Variants in POC1B observed in about 807,000 individuals in gnomAD.
POC1B encodes POC1 centriolar protein B.
Under a neutral mutation model 60.6 loss-of-function variants are expected in POC1B, and 44 were observed. That is an observed-to-expected ratio of 0.73 (90% CI 0.57 to 0.93). POC1B has a LOEUF of 0.93. POC1B is among the 40% of genes least tolerant of loss of function. POC1B has a pLI of 0.00. For synonymous variants in POC1B, 180 were observed against 198.9 expected, an observed-to-expected ratio of 0.90 and a Z score of 0.80; for missense variants, 555 against 572.3, an observed-to-expected ratio of 0.97 and a Z score of 0.31.
At chr12:89,403,635 A>G in the POC1B span, among the ~76,000 whole-genome samples, 1 of 152,106 alleles carries the variant, frequency 6.6e-6, no homozygotes, top group Non-Finnish European at 1.5e-5. Flanking sequence ...GCAGATGTAA[A>G]TCATCAGCAG....
At chr12:89,472,435 C>T (rs1453775138) in intron 4 of POC1B, 160 bp from the exon 5 acceptor site, 5 of 554,720 alleles carry the variant, frequency 9.0e-6, no homozygotes, top group African/African-American at 1.9e-5. Context: ...AGATCTTCAT[C>T]ATGACAAACA....
In POC1B at chr12:89,456,177, C is replaced by T. The variant is rs949085703; in HGVS notation, c.1113+3461G>A. 3.9e-5 allele frequency among the ~76,000 whole-genome samples: 6 copies of T among 152,190 alleles called. No individual in the cohort carries two copies. The East Asian group carries it at 5.8e-4, about 15-fold the overall frequency. The stretch of plus-strand genomic sequence containing the variant: ...CTGGAATTATAAGCGCACACCACCA[C>T]GCCCGGCTAATTTTTGTAGTTTTAG... On this transcript the variant is annotated intron_variant, in intron 10 of 11. Transcript: ENST00000313546.
chr12:89,467,510 G>A (rs921777727), intron 8 of POC1B, 107 bp downstream of exon 8: 1 of 878,264 alleles, frequency 1.1e-6, no homozygotes, highest in Non-Finnish European at 1.7e-6. Flanking sequence ...TAAACTCATT[G>A]ACAAACATCT....
intron 4 of POC1B, among the ~76,000 whole-genome samples, chr12:89,476,560 T>A (rs187680448): frequency 6.6e-6 from 1 of 151,942 alleles, no homozygotes; most frequent in African/African-American, 2.4e-5. Context: ...ATGCAAAAAT[T>A]AGCTGGGCCT....
chr12:89,433,860 C>T, intron 10 of POC1B, among the ~76,000 whole-genome samples: 1 of 152,162 alleles, frequency 6.6e-6, no homozygotes, highest in East Asian at 1.9e-4. Flanking sequence ...CCAATGTTGA[C>T]TAAGGAGTGG....
intron 11 of POC1B, among the ~76,000 whole-genome samples, chr12:89,423,081 T>C (rs947634500): frequency 4.6e-5 from 7 of 152,160 alleles, no homozygotes; most frequent in Admixed American, 2.0e-4. Flanking sequence ...CTTAGCTCCC[T>C]GCAACCTCTG....
At chr12:89,524,210 G>A (rs762280708) in intron 2 of POC1B, 10 of 1,613,806 alleles carry the variant, frequency 6.2e-6, no homozygotes, top group South Asian at 2.2e-5. Flanking sequence ...TCTATGTGTC[G>A]ATGCAGGGAA....
At chr12:89,412,118 T>C in the POC1B span, among the ~76,000 whole-genome samples, 3 of 152,226 alleles carry the variant, frequency 2.0e-5, no homozygotes, top group Non-Finnish European at 4.4e-5. Context: ...TGATAGTGTT[T>C]CATCAGAATT....
chr12:89,517,975 G>A (rs1402934884), intron 2 of POC1B, among the ~76,000 whole-genome samples: 1 of 152,174 alleles, frequency 6.6e-6, no homozygotes, highest in East Asian at 1.9e-4. Flanking sequence ...GACACTGCTG[G>A]CCTGCAGTAG....
chr12:89,512,857 A>C (rs1204417591), intron 2 of POC1B, among the ~76,000 whole-genome samples: 1 of 152,264 alleles, frequency 6.6e-6, no homozygotes, highest in Non-Finnish European at 1.5e-5. Context: ...AAGGTAATAT[A>C]GATGAAAAGT....
chr12:89,450,499 C>T (rs1881997534), intron 10 of POC1B, among the ~76,000 whole-genome samples: 1 of 152,106 alleles, frequency 6.6e-6, no homozygotes, highest in Non-Finnish European at 1.5e-5. Context: ...AGCCACCGCG[C>T]CCTGCCCAAG....
downstream of POC1B, among the ~76,000 whole-genome samples, chr12:89,418,558 C>T (rs1438737679): frequency 1.3e-5 from 2 of 152,108 alleles, no homozygotes; most frequent in African/African-American, 2.4e-5. Context: ...AATCTGATCC[C>T]TACTGTTGGA....
chr12:89,524,646 A>C, intron 2 of POC1B: 1 of 1,310,818 alleles, frequency 7.6e-7, no homozygotes, highest in Non-Finnish European at 1.1e-6. Flanking sequence ...ACTTCCCAGC[A>C]GGTTCTTCCT....
At chr12:89,491,094 G>A (rs1352604804) in intron 4 of POC1B, among the ~76,000 whole-genome samples, 1 of 152,084 alleles carries the variant, frequency 6.6e-6, no homozygotes, top group Non-Finnish European at 1.5e-5. Context: ...CTCTTGACCT[G>A]GCCAGCCTCC....
intron 10 of POC1B, among the ~76,000 whole-genome samples, chr12:89,440,407 G>T (rs1038727516): frequency 6.6e-6 from 1 of 152,200 alleles, no homozygotes; most frequent in Admixed American, 6.5e-5. Flanking sequence ...GAGGAAAACA[G>T]GGAAATCCTA....
intron 2 of POC1B, chr12:89,500,520 A>T: frequency 2.5e-6 from 4 of 1,604,284 alleles, no homozygotes; most frequent in Non-Finnish European, 2.6e-6. Context: ...AACATAAATG[A>T]TCATCACAGT....
At chr12:89,458,502 C>T (rs1047817554) in intron 10 of POC1B, among the ~76,000 whole-genome samples, 3 of 152,226 alleles carry the variant, frequency 2.0e-5, no homozygotes, top group East Asian at 1.9e-4. Flanking sequence ...CATTGGTTAC[C>T]CTCACTTCGT....
intron 2 of POC1B, among the ~76,000 whole-genome samples, chr12:89,513,347 A>T (rs76712460): frequency 6.6e-6 from 1 of 151,912 alleles, no homozygotes; most frequent in Admixed American, 6.6e-5. Context: ...GCTTCTATTC[A>T]GTCAAAAAAG....
chr12:89,467,580 T>A, intron 8 of POC1B, 37 bp downstream of exon 8: 4 of 1,555,740 alleles, frequency 2.6e-6, no homozygotes, highest in Non-Finnish European at 2.7e-6. Flanking sequence ...TTCCTTTACC[T>A]TAACCAAATC....
Sources: allele counts gnomAD v4.1 joint callset (sites outside exome capture counted in the v4.1 genomes callset), GRCh38; gene constraint gnomAD v4.1.1; transcripts MANE v1.5; gene names NCBI Gene and HGNC (gene_info 2026-07-23, HGNC 2026-07-21).